ATP10B: variants seen among roughly 807,000 people sequenced by gnomAD.
ATP10B encodes the protein ATPase phospholipid transporting 10B (putative).
A neutral mutation model predicts 141.2 loss-of-function variants in ATP10B; 122 were observed. The ratio of observed to expected loss-of-function variants is 0.86; its 90% confidence interval spans 0.75 to 1.00. The LOEUF (loss-of-function observed/expected upper bound fraction) is 1.00. ATP10B is among the 50% of genes least tolerant of loss of function. The pLI is 0.00. For missense variants in ATP10B, 1,876 were observed against 1,825.3 expected, an observed-to-expected ratio of 1.03 and a Z score of -0.51; for synonymous variants, 685 against 692.0, an observed-to-expected ratio of 0.99 and a Z score of 0.16.
In ATP10B at chr5:160,612,935, T is replaced by C. The variant is rs1390587435; in HGVS notation, c.2654-10A>G. ...TCGATCCCAGTGGCTCCTGGAGTGA[T>C]GAAAAACAACAGAGTTCACATTTAT... On this transcript the variant is annotated splice_polypyrimidine_tract_variant and intron_variant, in intron 17 of 25. Coordinates refer to ENST00000327245, the MANE Select transcript of ATP10B (RefSeq NM_025153.3). The C allele has an allele frequency of 1.2e-6, 2 of 1,606,148 alleles. No individual in the cohort carries two copies. The highest frequency in any genetic ancestry group is 1.1e-5 in the South Asian group (1 of 90,046).
upstream of ATP10B, among the ~76,000 whole-genome samples, chr5:160,853,605 G>C (rs1010812729): frequency 2.0e-5 from 3 of 152,118 alleles, no homozygotes; most frequent in Non-Finnish European, 4.4e-5. Flanking sequence ...AGGAACAAAT[G>C]TGTCTGTAGC....
intron 25 of ATP10B, 73 bp from the exon 26 acceptor site, chr5:160,565,973 T>C: frequency 7.1e-7 from 1 of 1,400,662 alleles, no homozygotes; most frequent in Non-Finnish European, 9.7e-7. Flanking sequence ...TAAAAGATAG[T>C]CTTTAGAATC....
chr5:160,886,042 G>C, the ATP10B span, among the ~76,000 whole-genome samples: 1 of 152,300 alleles, frequency 6.6e-6, no homozygotes, highest in East Asian at 1.9e-4. Context: ...AATCACCGAA[G>C]AATCAGATTC....
chr5:160,604,161 T>C (rs1283151070), intron 19 of ATP10B, 120 bp from the exon 20 acceptor site: 21 of 735,828 alleles, frequency 2.9e-5, no homozygotes, highest in African/African-American at 8.6e-5. Flanking sequence ...TCTAGTGCTA[T>C]AGAAAGTCAT....
intron 13 of ATP10B, among the ~76,000 whole-genome samples, chr5:160,628,003 C>A (rs1191935325): frequency 6.6e-6 from 1 of 152,190 alleles, no homozygotes; most frequent in Non-Finnish European, 1.5e-5. Context: ...ACTATTATGG[C>A]AACATTTTCC....
intron 1 of ATP10B, among the ~76,000 whole-genome samples, chr5:160,794,887 T>C (rs974492847): frequency 2.0e-5 from 3 of 152,210 alleles, no homozygotes; most frequent in Non-Finnish European, 4.4e-5. Context: ...AATAGCACTC[T>C]TTATTGTTAT....
At chr5:160,918,996 T>A in the ATP10B span, among the ~76,000 whole-genome samples, 1 of 150,908 alleles carries the variant, frequency 6.6e-6, no homozygotes, top group Non-Finnish European at 1.5e-5. Flanking sequence ...GAGGCCGAGA[T>A]GGGCGGATCA....
At chr5:160,653,872 CGT>C (rs1761230905) in intron 7 of ATP10B, among the ~76,000 whole-genome samples, 3 of 111,818 alleles carry the variant, frequency 2.7e-5, no homozygotes, top group African/African-American at 7.0e-5. Context: ...TATTAATATA[CGT>C]ATATACATAT....
chr5:160,584,579 T>C (rs1325390017), intron 24 of ATP10B, among the ~76,000 whole-genome samples: 1 of 152,186 alleles, frequency 6.6e-6, no homozygotes, highest in African/African-American at 2.4e-5. Context: ...TAGTGATTAA[T>C]CTTAAGATAC....
At chr5:160,781,149 A>T (rs1342082998) in intron 2 of ATP10B, among the ~76,000 whole-genome samples, 1 of 152,214 alleles carries the variant, frequency 6.6e-6, no homozygotes, top group Admixed American at 6.5e-5. Flanking sequence ...GTGAATGACC[A>T]CAAGGAATTG....
At chr5:160,578,753 G>C (rs1435651830) in intron 24 of ATP10B, among the ~76,000 whole-genome samples, 2 of 152,166 alleles carry the variant, frequency 1.3e-5, no homozygotes. Context: ...CTAGATCCTT[G>C]AGGAATCGCC....
At chr5:160,773,611 T>C (rs1770065434) in intron 2 of ATP10B, among the ~76,000 whole-genome samples, 2 of 152,212 alleles carry the variant, frequency 1.3e-5, no homozygotes, top group African/African-American at 4.8e-5. Context: ...GAGCAGTTAA[T>C]ATTTTTCCAA....
chr5:160,759,084 C>CT (rs1383573029), intron 2 of ATP10B, among the ~76,000 whole-genome samples: 1 of 151,588 alleles, frequency 6.6e-6, no homozygotes, highest in Admixed American at 6.6e-5. Flanking sequence ...ATCATTAGAG[C>CT]TTTTTTTGAG....
chr5:160,674,587 C>T (rs1359247880), intron 6 of ATP10B, among the ~76,000 whole-genome samples: 4 of 152,130 alleles, frequency 2.6e-5, no homozygotes, highest in South Asian at 2.1e-4. Flanking sequence ...TCCTTAGGAT[C>T]GCATGCAGTG....
chr5:160,683,079 G>GA (rs1260890552), intron 6 of ATP10B, among the ~76,000 whole-genome samples: 187 of 132,314 alleles, frequency 1.4e-3, no homozygotes, highest in Middle Eastern at 7.6e-3. Context: ...AAGAAGAAAA[G>GA]AAAAAAAAGA....
intron 2 of ATP10B, among the ~76,000 whole-genome samples, chr5:160,771,369 C>G (rs941729653): frequency 6.6e-6 from 1 of 152,126 alleles, no homozygotes; most frequent in Admixed American, 6.5e-5. Flanking sequence ...TCCATTTCTT[C>G]TAAGTGCTGG....
chr5:160,709,168 A>C (rs995054290), intron 3 of ATP10B, among the ~76,000 whole-genome samples: 1 of 152,196 alleles, frequency 6.6e-6, no homozygotes, highest in Non-Finnish European at 1.5e-5. Flanking sequence ...TGAGGATTAA[A>C]ACAAAATACA....
chr5:160,803,039 C>T (rs890811804), intron 1 of ATP10B, among the ~76,000 whole-genome samples: 2 of 152,190 alleles, frequency 1.3e-5, no homozygotes, highest in Non-Finnish European at 2.9e-5. Context: ...CAGACTTTTG[C>T]TATCATGGGC....
Position 160,632,209 on chromosome 5 carries a change from G to C in ATP10B, c.1540C>G (p.Pro514Ala), listed in dbSNP as rs1758983801. The C allele has an allele frequency of 1.2e-6, 2 of 1,614,054 alleles. No homozygotes were observed. The highest frequency in any genetic ancestry group is 1.3e-5 in the African/African-American group (1 of 74,924). Reference protein sequence around the residue: ...PLRRSQSARVPIQGHYRQRSM... With the variant: ...PLRRSQSARVAIQGHYRQRSM... Reference sequence around the variant, plus strand: ...CTTTGCCGGTAGTGGCCCTGGATGGGCACCCGGGCACTCTGGCTCCTCCTC... The same window carrying C: ...CTTTGCCGGTAGTGGCCCTGGATGGCCACCCGGGCACTCTGGCTCCTCCTC... Residue 514 changes from proline to alanine, a missense_variant, in exon 13 of 26, where the codon CCC (proline) becomes GCC (alanine). Transcript: ENST00000327245.
Sources: allele counts gnomAD v4.1 joint callset (sites outside exome capture counted in the v4.1 genomes callset), GRCh38; gene constraint gnomAD v4.1.1; transcripts MANE v1.5; gene names NCBI Gene and HGNC (gene_info 2026-07-23, HGNC 2026-07-21).